Variants in CNTN6 observed in about 807,000 individuals in gnomAD.
The protein encoded by CNTN6 is contactin 6, also known as contactin-6.
In CNTN6, 137 loss-of-function variants were observed where a neutral mutation model predicts 122.8. That is an observed-to-expected ratio of 1.12 (90% CI 0.97 to 1.29). The LOEUF (loss-of-function observed/expected upper bound fraction) is 1.29, where lower values mean the gene tolerates loss of function less well. Among genes scored for constraint, CNTN6 ranks in the 50% most tolerant of loss-of-function variants. CNTN6 has a pLI of 0.00. For synonymous variants in CNTN6, 570 were observed against 426.0 expected, an observed-to-expected ratio of 1.34 and a Z score of -4.16; for missense variants, 1,634 against 1,223.4, an observed-to-expected ratio of 1.34 and a Z score of -5.01.
rs1414704276 is a variant in CNTN6, at chr3:1,218,301, A to G, written c.56-2386A>G. Among the ~76,000 whole-genome samples the G allele has an allele frequency of 1.3e-5, 2 of 152,008 alleles. 1 individual carries two copies. Among genetic ancestry groups the G allele is most frequent in the Non-Finnish European group, 2.9e-5 (2 of 68,008 alleles). On this transcript the variant is annotated intron_variant, in intron 2 of 22. Transcript: ENST00000446702. ...TCTGGTGTTGGAGCCAAGGAGAAGG[A>G]GGGTGGTTTCTGGGGGAAAGAGAGC...
intron 2 of CNTN6, among the ~76,000 whole-genome samples, chr3:1,170,422 C>T (rs2093340110): frequency 1.3e-5 from 2 of 151,898 alleles, no homozygotes; most frequent in African/African-American, 4.8e-5. Flanking sequence ...TAGCAGAACC[C>T]GTTGAAAATC....
At chr3:1,313,757 C>T (rs928556960) in intron 7 of CNTN6, among the ~76,000 whole-genome samples, 1 of 152,022 alleles carries the variant, frequency 6.6e-6, no homozygotes, top group African/African-American at 2.4e-5. Context: ...CAGGAATTGG[C>T]TTGTGAACAA....
intron 11 of CNTN6, among the ~76,000 whole-genome samples, chr3:1,348,091 C>T (rs987004849): frequency 6.6e-5 from 9 of 136,872 alleles, no homozygotes; most frequent in Admixed American, 4.8e-4. Context: ...GCATTTTGAA[C>T]GATTTATATC....
At chr3:1,399,614 A>AT (rs1432060799) in intron 20 of CNTN6, among the ~76,000 whole-genome samples, 9 of 152,040 alleles carry the variant, frequency 5.9e-5, no homozygotes, top group Admixed American at 1.3e-4. Context: ...TAATGAATGG[A>AT]TTGGCTGTAT....
intron 20 of CNTN6, among the ~76,000 whole-genome samples, chr3:1,388,084 A>T (rs571101215): frequency 0.01 from 1,542 of 151,922 alleles, 14 homozygotes; most frequent in African/African-American, 0.017. Context: ...CCTGCCTGCA[A>T]CTGTAGGCTC....
chr3:1,137,051 G>A (rs1484878244), intron 1 of CNTN6, among the ~76,000 whole-genome samples: 3 of 151,974 alleles, frequency 2.0e-5, no homozygotes, highest in African/African-American at 7.3e-5. Flanking sequence ...CTACCTCCTG[G>A]CACCCCATTC....
At chr3:1,099,342 T>A (rs961210825) in intron 1 of CNTN6, among the ~76,000 whole-genome samples, 21 of 151,770 alleles carry the variant, frequency 1.4e-4, no homozygotes, top group African/African-American at 4.8e-4. Flanking sequence ...TCCCAGCTAC[T>A]GGGGAGGCTG....
intron 4 of CNTN6, among the ~76,000 whole-genome samples, chr3:1,253,939 T>G (rs2094711770): frequency 6.6e-6 from 1 of 152,190 alleles, no homozygotes; most frequent in African/African-American, 2.4e-5. Flanking sequence ...AATGTATGTA[T>G]GTATACATTT....
intron 2 of CNTN6, among the ~76,000 whole-genome samples, chr3:1,153,403 A>C (rs1267190673): frequency 1.3e-5 from 2 of 152,216 alleles, no homozygotes; most frequent in Non-Finnish European, 2.9e-5. Context: ...AAGTCTTTGC[A>C]GCCATCATTT....
chr3:1,256,259 G>T (rs2094756800), intron 4 of CNTN6, among the ~76,000 whole-genome samples: 1 of 152,054 alleles, frequency 6.6e-6, no homozygotes, highest in Non-Finnish European at 1.5e-5. Context: ...AAATAATCTG[G>T]GAGCCTATTG....
chr3:1,329,317 G>A (rs1454126125), intron 10 of CNTN6, among the ~76,000 whole-genome samples: 1 of 151,340 alleles, frequency 6.6e-6, no homozygotes, highest in African/African-American at 2.4e-5. Flanking sequence ...GTTTTGGCTG[G>A]AATAGACTTT....
intron 4 of CNTN6, 41 bp downstream of exon 4, chr3:1,228,034 T>C (rs1162810626): frequency 1.9e-6 from 3 of 1,569,628 alleles, no homozygotes; most frequent in African/African-American, 2.7e-5. Context: ...TCTCTGAAAA[T>C]ATAATATTCT....
chr3:1,097,857 T>G (rs1483202467), intron 1 of CNTN6, among the ~76,000 whole-genome samples: 1 of 152,122 alleles, frequency 6.6e-6, no homozygotes, highest in Non-Finnish European at 1.5e-5. Flanking sequence ...TGGGTAAAAA[T>G]AATATAAAAC....
At chr3:1,354,331 T>C (rs957688110) in intron 12 of CNTN6, among the ~76,000 whole-genome samples, 11 of 142,992 alleles carry the variant, frequency 7.7e-5, no homozygotes, top group Admixed American at 5.0e-4. Flanking sequence ...GCTCTTTCCA[T>C]AGGTAAAACA....
chr3:1,386,960 G>A (rs1053729677), intron 20 of CNTN6, among the ~76,000 whole-genome samples: 2 of 152,166 alleles, frequency 1.3e-5, no homozygotes, highest in African/African-American at 4.8e-5. Flanking sequence ...CCATCTCAGA[G>A]AATAGGCCCT....
intron 1 of CNTN6, chr3:1,128,462 C>T (rs1338367538): frequency 6.6e-6 from 1 of 151,956 alleles, no homozygotes; most frequent in Non-Finnish European, 1.5e-5. Flanking sequence ...GTCCAACTGC[C>T]TCCCCACTCC....
At chr3:1,370,495 G>C (rs918478356) in intron 12 of CNTN6, among the ~76,000 whole-genome samples, 1 of 152,208 alleles carries the variant, frequency 6.6e-6, no homozygotes, top group East Asian at 1.9e-4. Context: ...TTGGAATTAA[G>C]AATGGGCATA....
intron 2 of CNTN6, among the ~76,000 whole-genome samples, chr3:1,201,541 G>C (rs1246839734): frequency 6.6e-6 from 1 of 152,040 alleles, no homozygotes; most frequent in Non-Finnish European, 1.5e-5. Flanking sequence ...AACACTCCCT[G>C]AACCTCACAA....
intron 2 of CNTN6, among the ~76,000 whole-genome samples, chr3:1,150,745 C>A (rs1265072779): frequency 6.6e-6 from 1 of 152,062 alleles, no homozygotes; most frequent in Non-Finnish European, 1.5e-5. Flanking sequence ...ATACCTGGAA[C>A]CTGTGAGTGC....
Sources: allele counts gnomAD v4.1 joint callset (sites outside exome capture counted in the v4.1 genomes callset), GRCh38; gene constraint gnomAD v4.1.1; transcripts MANE v1.5; gene names NCBI Gene and HGNC (gene_info 2026-07-23, HGNC 2026-07-21).